The following DIP2C variants were observed in gnomAD, a reference collection of about 807,000 sequenced individuals.
DIP2C encodes disco-interacting protein 2 homolog C.
A neutral mutation model predicts 192.4 loss-of-function variants in DIP2C; 33 were observed. The observed-to-expected ratio is 0.17, with a 90% confidence interval of 0.13 to 0.23. The LOEUF (loss-of-function observed/expected upper bound fraction) is 0.23, where lower values mean the gene tolerates loss of function less well. DIP2C is among the 10% of genes least tolerant of loss of function. DIP2C has a pLI of 1.00. For synonymous variants in DIP2C, 979 were observed against 864.1 expected (o/e 1.13, Z -2.33); for missense variants, 1,537 against 2,110.1 (o/e 0.73, Z 5.32).
At chr10:422,487 C>G (rs991929934) in intron 5 of DIP2C, among the ~76,000 whole-genome samples, 1 of 152,150 alleles carries the variant, frequency 6.6e-6, no homozygotes, top group African/African-American at 2.4e-5. Flanking sequence ...CCTTAAATGA[C>G]TCCCACGGTC....
At chr10:604,191 C>A (rs1588574912) in intron 1 of DIP2C, among the ~76,000 whole-genome samples, 1 of 152,124 alleles carries the variant, frequency 6.6e-6, no homozygotes, top group Admixed American at 6.5e-5. Context: ...TACGCAGTCA[C>A]ATCTCCAAAG....
intron 3 of DIP2C, among the ~76,000 whole-genome samples, chr10:458,991 CA>C (rs35681631): frequency 0.37 from 38,373 of 102,792 alleles, 4,608 homozygotes; most frequent in East Asian, 0.51. Context: ...TCAACTTTTT[CA>C]AAAAAAAAAA....
intron 1 of DIP2C, among the ~76,000 whole-genome samples, chr10:561,788 G>A (rs1849233644): frequency 6.6e-6 from 1 of 152,102 alleles, no homozygotes; most frequent in African/African-American, 2.4e-5. Context: ...AAAACTCAGT[G>A]TTTTCGCCAT....
intron 32 of DIP2C, among the ~76,000 whole-genome samples, chr10:292,078 C>G (rs1361214166): frequency 1.3e-5 from 2 of 152,272 alleles, no homozygotes. Context: ...CAGAGCTCAC[C>G]TTCTGTGAGA....
At chr10:621,155 G>A (rs928502723) in intron 1 of DIP2C, among the ~76,000 whole-genome samples, 3 of 152,140 alleles carry the variant, frequency 2.0e-5, no homozygotes, top group East Asian at 1.9e-4. Flanking sequence ...GCACAGGGCC[G>A]CCCGACGCAA....
At position 436,929 on chromosome 10, in the gene DIP2C, G is replaced by A. The variant is rs574667772; in HGVS notation, c.394+3942C>T. On this transcript the variant is annotated intron_variant, in intron 4 of 36. Transcript: ENST00000280886. ...TCTCTGAGCTCCGCCTCCTGGACGT[G>A]GTAGGGTGATATGCTCCACCCACAC... 8.9e-5 allele frequency among the ~76,000 whole-genome samples: 13 copies of A among 145,746 alleles called. No homozygotes were observed. In the East Asian group the frequency reaches 2.7e-3, roughly 30 times the overall value.
rs141039538 is a variant in DIP2C, at chr10:427,299, G to C, written c.395-4266C>G. 6.0e-3 allele frequency among the ~76,000 whole-genome samples: 908 copies of C among 152,248 alleles called. 3 individuals carry two copies. Among genetic ancestry groups the C allele is most frequent in the East Asian group, 0.014 (70 of 5,184 alleles). On this transcript the variant is annotated intron_variant, in intron 4 of 36. Transcript: ENST00000280886. The stretch of plus-strand genomic sequence containing the variant: ...ATTCTTCCTTTTCTCTTGTAAGGAC[G>C]TTCTTGATTACAGTGGGTCCACCTG...
intron 1 of DIP2C, among the ~76,000 whole-genome samples, chr10:688,616 C>T (rs1421030126): frequency 6.8e-6 from 1 of 146,666 alleles, no homozygotes; most frequent in African/African-American, 2.5e-5. Flanking sequence ...AGCCCAGAGA[C>T]GGCTAAATGC....
At chr10:399,334 T>C (rs1432759683) in intron 9 of DIP2C, 115 bp from the exon 10 acceptor site, 2 of 712,724 alleles carry the variant, frequency 2.8e-6, no homozygotes, top group Non-Finnish European at 4.9e-6. Context: ...CCAGATCCTA[T>C]GTAAAATGCA....
intron 4 of DIP2C, among the ~76,000 whole-genome samples, chr10:439,911 G>A (rs1315666584): frequency 6.6e-6 from 1 of 152,182 alleles, no homozygotes; most frequent in Non-Finnish European, 1.5e-5. Flanking sequence ...AAAAAATGGT[G>A]TCAAAGTGGT....
At chr10:504,282 G>A (rs978514213) in intron 1 of DIP2C, among the ~76,000 whole-genome samples, 1 of 152,198 alleles carries the variant, frequency 6.6e-6, no homozygotes, top group Non-Finnish European at 1.5e-5. Context: ...GAAGAGGCAC[G>A]CAAGGGAAAC....
chr10:370,082 G>A (rs1401275990), intron 17 of DIP2C: 3 of 978,262 alleles, frequency 3.1e-6, no homozygotes, highest in Non-Finnish European at 3.6e-6. Context: ...CAGCAATGAT[G>A]GAAATCCTGA....
chr10:546,681 C>A (rs1359441280), intron 1 of DIP2C, among the ~76,000 whole-genome samples: 1 of 152,166 alleles, frequency 6.6e-6, no homozygotes, highest in Non-Finnish European at 1.5e-5. Context: ...TCCTTTTAAG[C>A]GGACTGGTCT....
chr10:538,729 G>A (rs1046962185), intron 1 of DIP2C, among the ~76,000 whole-genome samples: 1 of 152,126 alleles, frequency 6.6e-6, no homozygotes, highest in Non-Finnish European at 1.5e-5. Flanking sequence ...ACATTCTAAG[G>A]TTCTTATTGA....
intron 1 of DIP2C, among the ~76,000 whole-genome samples, chr10:610,879 C>T (rs2131775428): frequency 6.9e-6 from 1 of 145,842 alleles, no homozygotes; most frequent in African/African-American, 2.6e-5. Flanking sequence ...TTCTAACCCC[C>T]CAGTGTTGGA....
At chr10:638,595 A>G (rs1032163010) in intron 1 of DIP2C, among the ~76,000 whole-genome samples, 2 of 152,222 alleles carry the variant, frequency 1.3e-5, no homozygotes, top group Admixed American at 1.3e-4. Flanking sequence ...AAGCACTATC[A>G]CCTAGAACTT....
chr10:509,518 C>G (rs2168470), intron 1 of DIP2C, among the ~76,000 whole-genome samples: 4 of 152,164 alleles, frequency 2.6e-5, no homozygotes, highest in Non-Finnish European at 4.4e-5. Flanking sequence ...GCTTCCGCAG[C>G]GGAAACTCAC....
chr10:670,170 A>G (rs1830544065), intron 1 of DIP2C, among the ~76,000 whole-genome samples: 1 of 152,162 alleles, frequency 6.6e-6, no homozygotes, highest in Non-Finnish European at 1.5e-5. Flanking sequence ...GCGCACATGC[A>G]TGAACATGTA....
intron 1 of DIP2C, among the ~76,000 whole-genome samples, chr10:578,522 C>T (rs1038963112): frequency 2.6e-5 from 4 of 152,196 alleles, no homozygotes; most frequent in African/African-American, 4.8e-5. Flanking sequence ...CAGGAACACA[C>T]ACATCAAGGA....
Sources: allele counts gnomAD v4.1 joint callset (sites outside exome capture counted in the v4.1 genomes callset), GRCh38; gene constraint gnomAD v4.1.1; transcripts MANE v1.5; gene names NCBI Gene and HGNC (gene_info 2026-07-23, HGNC 2026-07-21).